The following NEGR1 variants were observed in gnomAD, a reference collection of about 807,000 sequenced individuals.
NEGR1 encodes neuronal growth regulator 1.
A neutral mutation model predicts 40.9 loss-of-function variants in NEGR1; 10 were observed. That is an observed-to-expected ratio of 0.24 (90% CI 0.15 to 0.42). The LOEUF is 0.42. Ranked by LOEUF, NEGR1 falls within the 10% of genes least tolerant of loss-of-function variation. The probability of loss-of-function intolerance (pLI) is 1.00; values close to 1 mark genes in which losing one functional copy is unlikely to be tolerated. For missense variants in NEGR1, 352 were observed against 438.9 expected (o/e 0.80, Z 1.77); for synonymous variants, 185 against 166.8 (o/e 1.11, Z -0.84).
intron 1 of NEGR1, among the ~76,000 whole-genome samples, chr1:72,210,873 A>G (rs1653579454): frequency 6.6e-6 from 1 of 151,914 alleles, no homozygotes; most frequent in South Asian, 2.1e-4. Flanking sequence ...GAGATTCCAT[A>G]CTGTAATTAA....
At chr1:71,604,115 T>A (rs1054214652) in intron 5 of NEGR1, among the ~76,000 whole-genome samples, 1 of 152,154 alleles carries the variant, frequency 6.6e-6, no homozygotes, top group Non-Finnish European at 1.5e-5. Context: ...GGTATGTATT[T>A]TTGAAGCAGT....
chr1:71,956,843 C>T (rs891391829), intron 1 of NEGR1, among the ~76,000 whole-genome samples: 1 of 152,062 alleles, frequency 6.6e-6, no homozygotes, highest in Non-Finnish European at 1.5e-5. Context: ...CAACTAACTG[C>T]TATTCCAGAC....
intron 1 of NEGR1, among the ~76,000 whole-genome samples, chr1:72,220,371 T>G (rs1039764808): frequency 2.0e-5 from 3 of 151,954 alleles, no homozygotes; most frequent in African/African-American, 7.2e-5. Flanking sequence ...TCTCAGTAGT[T>G]ACCGGGGACC....
chr1:71,829,079 G>A lies in NEGR1; in HGVS notation c.410-52782C>T, dbSNP rs1405343438. Among the ~76,000 whole-genome samples, 5 of 151,890 alleles carry A rather than the reference G, an allele frequency of 3.3e-5. No individual in the cohort carries two copies. In the East Asian group the frequency reaches 7.8e-4, roughly 24 times the overall value. ...TAAAGTCTGAATCCAAATTAAGTTGGCAGGGAACCTTCAATATACTTTGTG... is the reference window on the plus strand; with the variant it reads ...TAAAGTCTGAATCCAAATTAAGTTGACAGGGAACCTTCAATATACTTTGTG... On this transcript the variant is annotated intron_variant, in intron 2 of 6. Coordinates refer to ENST00000357731, the MANE Select transcript of NEGR1 (RefSeq NM_173808.3).
chr1:72,242,890 A>G (rs1007087768), intron 1 of NEGR1, among the ~76,000 whole-genome samples: 4 of 151,646 alleles, frequency 2.6e-5, no homozygotes, highest in African/African-American at 7.2e-5. Flanking sequence ...TTATAGGTGC[A>G]GAGAAGAGGG....
intron 4 of NEGR1, among the ~76,000 whole-genome samples, chr1:71,656,522 C>T (rs559664176): frequency 6.6e-6 from 1 of 152,270 alleles, no homozygotes; most frequent in African/African-American, 2.4e-5. Flanking sequence ...ACGCCATTCT[C>T]CTGCCTCAGC....
intron 1 of NEGR1, among the ~76,000 whole-genome samples, chr1:72,089,457 T>G (rs1304012778): frequency 6.6e-6 from 1 of 152,202 alleles, no homozygotes; most frequent in Non-Finnish European, 1.5e-5. Flanking sequence ...GCTTATGTCA[T>G]TTCCAAGCAT....
chr1:72,218,387 T>A (rs1190020556), intron 1 of NEGR1, among the ~76,000 whole-genome samples: 1 of 151,952 alleles, frequency 6.6e-6, no homozygotes, highest in Non-Finnish European at 1.5e-5. Flanking sequence ...AAAAGTAAGA[T>A]TCTCAAAATA....
In NEGR1 at chr1:72,043,294, T is replaced by C. The variant is rs184736984; in HGVS notation, c.177-107983A>G. ...CTCTTCTAGATTTCTAATACTTTTG[T>C]AAATCATTTCCTTTATCAAGTCTTT... On this transcript the variant is annotated intron_variant, in intron 1 of 6. Transcript: ENST00000357731. Among the ~76,000 whole-genome samples the C allele has an allele frequency of 3.3e-3, 498 of 152,064 alleles. 5 individuals carry two copies. The highest frequency in any genetic ancestry group is 0.011 in the African/African-American group (476 of 41,530).
At chr1:72,003,162 T>G (rs939192312) in intron 1 of NEGR1, among the ~76,000 whole-genome samples, 1 of 152,060 alleles carries the variant, frequency 6.6e-6, no homozygotes, top group African/African-American at 2.4e-5. Context: ...ACCTAAAGTA[T>G]GTGTCCCAGT....
intron 2 of NEGR1, among the ~76,000 whole-genome samples, chr1:71,850,225 G>C (rs539357283): frequency 2.2e-4 from 33 of 152,150 alleles, no homozygotes; most frequent in African/African-American, 7.2e-4. Flanking sequence ...GTTTGAGTTT[G>C]ACTCACTGCA....
At chr1:72,111,488 T>C (rs1457895218) in intron 1 of NEGR1, among the ~76,000 whole-genome samples, 1 of 151,678 alleles carries the variant, frequency 6.6e-6, no homozygotes, top group South Asian at 2.1e-4. Flanking sequence ...CCAACATGCA[T>C]AAAGTGCTGC....
At chr1:72,197,565 C>T (rs1653043663) in intron 1 of NEGR1, among the ~76,000 whole-genome samples, 1 of 151,926 alleles carries the variant, frequency 6.6e-6, no homozygotes, top group Admixed American at 6.6e-5. Flanking sequence ...TGATTAACAA[C>T]ATAGAATTAT....
chr1:72,055,229 GT>G (rs1647099687), intron 1 of NEGR1, among the ~76,000 whole-genome samples: 1 of 151,080 alleles, frequency 6.6e-6, no homozygotes, highest in South Asian at 2.1e-4. Context: ...ATTTAACAAA[GT>G]TTGAAAGTTT....
rs1271882828 is a variant in NEGR1, at chr1:71,401,598, A to G, written c.*5848T>C. Reference sequence around the variant, plus strand: ...ACTGTCCCAGCACAAACAGATGTTCATGTTAGTATTTCAATATAAATGGCC... The same window carrying G: ...ACTGTCCCAGCACAAACAGATGTTCGTGTTAGTATTTCAATATAAATGGCC... On this transcript the variant is annotated 3_prime_UTR_variant, in exon 7 of 7. Coordinates refer to ENST00000357731, the MANE Select transcript of NEGR1 (RefSeq NM_173808.3). 1.3e-5 allele frequency: 2 copies of G among 152,210 alleles called. No homozygotes were observed. Among genetic ancestry groups the G allele is most frequent in the Non-Finnish European group, 2.9e-5 (2 of 68,028 alleles). The allele number at this position is 152,210 out of a possible 1,614,324, so 9.4% of individuals were successfully genotyped here.
At chr1:72,017,621 T>C (rs2100414392) in intron 1 of NEGR1, among the ~76,000 whole-genome samples, 1 of 152,258 alleles carries the variant, frequency 6.6e-6, no homozygotes. Flanking sequence ...AATCAGAGCT[T>C]TTCTTAAGAC....
intron 2 of NEGR1, among the ~76,000 whole-genome samples, chr1:71,894,252 AGAAT>A (rs1660898895): frequency 6.6e-6 from 1 of 151,540 alleles, no homozygotes; most frequent in South Asian, 2.1e-4. Context: ...AAAAAAAAAA[AGAAT>A]GGAGAAGTCA....
intron 1 of NEGR1, among the ~76,000 whole-genome samples, chr1:72,166,383 T>G (rs879908320): frequency 1.1e-4 from 16 of 152,024 alleles, no homozygotes; most frequent in Admixed American, 7.2e-4. Context: ...CCTCAGAAAC[T>G]AAAAACAGAA....
chr1:72,211,951 T>C (rs1396662041), intron 1 of NEGR1, among the ~76,000 whole-genome samples: 1 of 151,886 alleles, frequency 6.6e-6, no homozygotes, highest in Non-Finnish European at 1.5e-5. Flanking sequence ...CAATGCAAAG[T>C]GGTAAATGAA....
Sources: allele counts gnomAD v4.1 joint callset (sites outside exome capture counted in the v4.1 genomes callset), GRCh38; gene constraint gnomAD v4.1.1; transcripts MANE v1.5; gene names NCBI Gene and HGNC (gene_info 2026-07-23, HGNC 2026-07-21).